Variants in LRP5 observed in about 807,000 individuals in gnomAD.
LRP5 encodes LDL receptor related protein 5, also known as low-density lipoprotein receptor-related protein 5.
LRP5 carries 62 observed loss-of-function variants against 154.1 expected under a neutral mutation model. The observed-to-expected ratio is 0.40, with a 90% CI of 0.33 to 0.50. The LOEUF is 0.50. Ranked by LOEUF, LRP5 falls within the 20% of genes least tolerant of loss-of-function variation. The pLI, the probability that LRP5 is intolerant of heterozygous loss-of-function variation, is 0.55. For synonymous variants in LRP5, 966 were observed against 1,011.5 expected (o/e 0.96, Z 0.85); for missense variants, 1,915 against 2,336.7 (o/e 0.82, Z 3.72).
chr11:68,409,063 A>ATAT lies in LRP5; in HGVS notation c.2092-851_2092-850insTAT, dbSNP rs1318843298. Among the ~76,000 whole-genome samples, 25 of 26,998 alleles carry ATAT rather than the reference A, an allele frequency of 9.3e-4. 1 individual carries two copies. Among genetic ancestry groups the ATAT allele is most frequent in the African/African-American group, 1.5e-3 (11 of 7,190 alleles). 17.7% of individuals were successfully genotyped at this position (26,998 alleles called of 152,430 possible). On this transcript the variant is annotated intron_variant, in intron 9 of 22. Coordinates refer to ENST00000294304, the MANE Select transcript of LRP5 (RefSeq NM_002335.4). The stretch of plus-strand genomic sequence containing the variant: ...AGACTTATCTGGGGAAAAAAAAAAA[A>ATAT]AAAAAAAAAAATATATATATATATA...
chr11:68,376,122 C>T (rs538404936), intron 5 of LRP5, among the ~76,000 whole-genome samples: 52 of 150,384 alleles, frequency 3.5e-4, no homozygotes, highest in Middle Eastern at 3.5e-3. Context: ...TATACCCAGG[C>T]ACGCGTCCTG....
chr11:68,428,184 G>A lies in LRP5; in HGVS notation c.3638-1391G>A, dbSNP rs573862067. Among the ~76,000 whole-genome samples, 139 of 151,690 alleles carry A rather than the reference G, an allele frequency of 9.2e-4. 1 individual carries two copies. Among genetic ancestry groups the A allele is most frequent in the African/African-American group, 2.4e-3 (98 of 41,362 alleles). ...ATTTTTTTGTATTTTTAGTAGAGAC[G>A]GGTTTTCGCCATTTTGCCCAGGCTG... On this transcript the variant is annotated intron_variant, in intron 16 of 22. Coordinates refer to ENST00000294304, the MANE Select transcript of LRP5 (RefSeq NM_002335.4).
At chr11:68,299,152 G>A in the LRP5 span, among the ~76,000 whole-genome samples, 15 of 152,282 alleles carry the variant, frequency 9.9e-5, no homozygotes, top group African/African-American at 3.4e-4. Context: ...GCCTCCCCTC[G>A]GAGCTCCCAC....
chr11:68,313,948 G>T (rs1334141140), intron 1 of LRP5, among the ~76,000 whole-genome samples: 1 of 152,308 alleles, frequency 6.6e-6, no homozygotes, highest in Admixed American at 6.5e-5. Flanking sequence ...GGAACAGGAG[G>T]AGCTTGGAGT....
At chr11:68,397,567 C>T (rs1332722184) in intron 7 of LRP5, among the ~76,000 whole-genome samples, 1 of 152,216 alleles carries the variant, frequency 6.6e-6, no homozygotes, top group East Asian at 1.9e-4. Context: ...GACACCTGGT[C>T]CCTGCCTGGA....
At chr11:68,420,861 G>T (rs971182252) in intron 13 of LRP5, among the ~76,000 whole-genome samples, 5 of 152,148 alleles carry the variant, frequency 3.3e-5, no homozygotes, top group Admixed American at 6.6e-5. Flanking sequence ...AGGAAAAGGC[G>T]TGTTTGTGGT....
Position 68,312,678 on chromosome 11 carries a change from G to C in LRP5, c.-37G>C. ...GCCGCCGCCGCGCCATGGAGCCCGA[G>C]TGAGCGCGGCGCGGGCCCGTCCGGC... On this transcript the variant is annotated 5_prime_UTR_variant, in exon 1 of 23. Coordinates refer to ENST00000294304, the MANE Select transcript of LRP5 (RefSeq NM_002335.4). 1 of 949,560 alleles carries C rather than the reference G, an allele frequency of 1.1e-6. No homozygotes were observed. Among genetic ancestry groups the C allele is most frequent in the Non-Finnish European group, 1.3e-6 (1 of 795,634 alleles). 58.8% of individuals were successfully genotyped at this position (949,560 alleles called of 1,614,324 possible).
intron 13 of LRP5, among the ~76,000 whole-genome samples, chr11:68,420,124 A>C (rs2098664733): frequency 6.6e-6 from 1 of 152,212 alleles, no homozygotes; most frequent in Non-Finnish European, 1.5e-5. Flanking sequence ...GTTCAGTGGC[A>C]TTCAGTCAGT....
chr11:68,449,116 T>C lies in LRP5; in HGVS notation c.*46T>C. 1 of 1,448,790 alleles carries C rather than the reference T, an allele frequency of 6.9e-7. No homozygotes were observed. Among genetic ancestry groups the C allele is most frequent in the Admixed American group, 2.3e-5 (1 of 43,226 alleles). The allele number at this position is 1,448,790 out of a possible 1,614,324, so 89.7% of individuals were successfully genotyped here. A position where few individuals can be genotyped will look rare whatever the true frequency, so the allele number is the denominator to read the frequency against. The stretch of plus-strand genomic sequence containing the variant: ...CTTCTCTGTGCCCCTGTAAATAGTT[T>C]TAAATATGAACAAAGAAAAAAATAT... On this transcript the variant is annotated 3_prime_UTR_variant, in exon 23 of 23. Coordinates refer to ENST00000294304, the MANE Select transcript of LRP5 (RefSeq NM_002335.4).
chr11:68,414,389 A>G (rs1266141058), intron 12 of LRP5, among the ~76,000 whole-genome samples: 1 of 152,146 alleles, frequency 6.6e-6, no homozygotes, highest in Non-Finnish European at 1.5e-5. Flanking sequence ...CATTTCACGT[A>G]CAAGGAACCC....
At chr11:68,337,382 C>G (rs1349714843) in intron 1 of LRP5, among the ~76,000 whole-genome samples, 1 of 152,036 alleles carries the variant, frequency 6.6e-6, no homozygotes, top group Non-Finnish European at 1.5e-5. Flanking sequence ...TAGAAGGTGC[C>G]CAGAGCTGTG....
At chr11:68,443,119 C>T (rs549910441) in intron 21 of LRP5, among the ~76,000 whole-genome samples, 17 of 152,264 alleles carry the variant, frequency 1.1e-4, no homozygotes, top group African/African-American at 4.1e-4. Flanking sequence ...TTCTCTCCAC[C>T]TGTCTAATAT....
At chr11:68,384,496 G>T (rs2098641932) in intron 5 of LRP5, among the ~76,000 whole-genome samples, 1 of 152,188 alleles carries the variant, frequency 6.6e-6, no homozygotes, top group Admixed American at 6.5e-5. Context: ...GACCAGAAAG[G>T]TCTGGAACAA....
chr11:68,383,297 G>A (rs2153150932), intron 5 of LRP5, among the ~76,000 whole-genome samples: 1 of 152,312 alleles, frequency 6.6e-6, no homozygotes, highest in East Asian at 1.9e-4. Flanking sequence ...GGCCATGATG[G>A]ACACACTGCT....
chr11:68,331,743 CTGTGTGTGTGTGTGTGTG>C (rs60278908), intron 1 of LRP5, among the ~76,000 whole-genome samples: 1 of 148,252 alleles, frequency 6.7e-6, no homozygotes, highest in African/African-American at 2.5e-5. Flanking sequence ...TTCCTCTGGG[CTGTGTGTGTGTGTGTGTG>C]TGTGTGTGTG....
chr11:68,418,605 G>A (rs954974999), intron 13 of LRP5, among the ~76,000 whole-genome samples: 18 of 152,182 alleles, frequency 1.2e-4, no homozygotes, highest in African/African-American at 3.9e-4. Flanking sequence ...GTCCAGACAG[G>A]CTGGACGCCC....
intron 1 of LRP5, among the ~76,000 whole-genome samples, chr11:68,329,360 A>G (rs561561643): frequency 1.8e-4 from 28 of 152,246 alleles, no homozygotes; most frequent in African/African-American, 6.5e-4. Context: ...CCCTACCCTC[A>G]TTTTACAGAC....
chr11:68,443,564 TATATATATATATATATA>T (rs2098679539), intron 21 of LRP5, among the ~76,000 whole-genome samples: 3 of 36,422 alleles, frequency 8.2e-5, no homozygotes, highest in African/African-American at 2.6e-4. Context: ...TATATATATA[TATATATATATATATATA>T]TATATTTTTT....
intron 21 of LRP5, among the ~76,000 whole-genome samples, chr11:68,442,568 G>A (rs117700634): frequency 4.6e-5 from 7 of 152,246 alleles, no homozygotes; most frequent in East Asian, 1.9e-4. Context: ...GAGCCACTGC[G>A]CCTGGGCTGA....
Sources: allele counts gnomAD v4.1 joint callset (sites outside exome capture counted in the v4.1 genomes callset), GRCh38; gene constraint gnomAD v4.1.1; transcripts MANE v1.5; gene names NCBI Gene and HGNC (gene_info 2026-07-23, HGNC 2026-07-21).